Variants in ANK3 observed in about 807,000 individuals in gnomAD.
The protein encoded by ANK3 is ankyrin-3.
A neutral mutation model predicts 370.9 loss-of-function variants in ANK3; 57 were observed. That is an observed-to-expected ratio of 0.15 (90% CI 0.12 to 0.19). The LOEUF (loss-of-function observed/expected upper bound fraction) is 0.19. ANK3 is among the 10% of genes least tolerant of loss of function. The probability of loss-of-function intolerance (pLI) is 1.00; values close to 1 mark genes in which losing one functional copy is unlikely to be tolerated. For synonymous variants in ANK3, 1,929 were observed against 1,946.3 expected, an observed-to-expected ratio of 0.99 and a Z score of 0.23; for missense variants, 4,439 against 5,302.1, an observed-to-expected ratio of 0.84 and a Z score of 5.06.
At chr10:60,526,978 CACAT>C (rs1240969293) in intron 2 of ANK3, among the ~76,000 whole-genome samples, 1 of 152,074 alleles carries the variant, frequency 6.6e-6, no homozygotes. Flanking sequence ...TATACACACA[CACAT>C]ACATACACGT....
At chr10:60,312,715 A>G (rs2046611019) in intron 1 of ANK3, among the ~76,000 whole-genome samples, 1 of 152,240 alleles carries the variant, frequency 6.6e-6, no homozygotes, top group African/African-American at 2.4e-5. Flanking sequence ...GGGTTAAAAA[A>G]AGCTAATTAA....
intron 1 of ANK3, among the ~76,000 whole-genome samples, chr10:60,295,668 CCTAA>C (rs1458632446): frequency 1.3e-5 from 2 of 152,050 alleles, no homozygotes; most frequent in East Asian, 1.9e-4. Context: ...CCTTTATACT[CCTAA>C]CTATTATTGA....
chr10:60,574,114 T>C (rs1026156591), intron 2 of ANK3, among the ~76,000 whole-genome samples: 2 of 152,064 alleles, frequency 1.3e-5, no homozygotes, highest in African/African-American at 2.4e-5. Flanking sequence ...AACAGATCTG[T>C]TGAGGCTGAA....
intron 1 of ANK3, among the ~76,000 whole-genome samples, chr10:60,660,936 C>A (rs1455245066): frequency 2.8e-5 from 4 of 142,536 alleles, no homozygotes; most frequent in Non-Finnish European, 6.2e-5. Context: ...ACACACACAC[C>A]CCACATCTAT....
rs976751456 is a variant in ANK3 at position 60,398,721 on chromosome 10, C to T, written c.97-119082G>A. Among the ~76,000 whole-genome samples the T allele has an allele frequency of 9.2e-5, 14 of 152,110 alleles. 1 individual carries two copies. The highest frequency in any genetic ancestry group is 2.0e-4 in the Admixed American group (3 of 15,280). On this transcript the variant is annotated intron_variant, in intron 2 of 43. Coordinates refer to the ANK3 transcript ENST00000373827. Reference sequence around the variant, plus strand: ...TAATCCAAACATTATTTAAGACACCCAAACTCAACAAATGGTCAGCAAGCA... The same window carrying T: ...TAATCCAAACATTATTTAAGACACCTAAACTCAACAAATGGTCAGCAAGCA...
At chr10:60,397,169 G>A (rs573401646) in intron 2 of ANK3, among the ~76,000 whole-genome samples, 31 of 148,674 alleles carry the variant, frequency 2.1e-4, no homozygotes, top group African/African-American at 5.7e-4. Context: ...CATTTAATTC[G>A]TTGATTTAGG....
rs150289594 is a variant in ANK3 at position 60,124,547 on chromosome 10, A to C, written c.2841+9724T>G. On this transcript the variant is annotated intron_variant, in intron 25 of 43. Transcript: ENST00000280772. ...TATAATGTTGCATCCCTCTATGTAG[A>C]TATTTAGGATAGCATATCCTTTTCA... is the stretch of plus-strand genomic sequence containing the variant. 3.9e-5 allele frequency among the ~76,000 whole-genome samples: 6 copies of C among 152,292 alleles called. No homozygotes were observed. In the East Asian group the frequency reaches 1.2e-3, roughly 29 times the overall value.
chr10:60,236,251 A>ATCCCACCTTTTTCCCCCCGTGTTCATT (rs2097331931), intron 7 of ANK3, among the ~76,000 whole-genome samples: 3 of 150,452 alleles, frequency 2.0e-5, no homozygotes, highest in African/African-American at 7.5e-5. Context: ...TCTCTAACAG[A>ATCCCACCTTTTTCCCCCCGTGTTCATT]TGAGGACATC....
At chr10:60,462,382 G>A (rs1333075035) in intron 2 of ANK3, among the ~76,000 whole-genome samples, 1 of 152,094 alleles carries the variant, frequency 6.6e-6, no homozygotes, top group Non-Finnish European at 1.5e-5. Flanking sequence ...AACCCTGAGT[G>A]TAAAAGCATG....
intron 1 of ANK3, among the ~76,000 whole-genome samples, chr10:60,696,176 C>T (rs547589288): frequency 1.3e-3 from 198 of 148,732 alleles, no homozygotes; most frequent in African/African-American, 4.7e-3. Flanking sequence ...TTCCTCGACA[C>T]ATACACTCTC....
intron 28 of ANK3, among the ~76,000 whole-genome samples, chr10:60,089,394 T>C (rs2087577192): frequency 6.6e-6 from 1 of 152,046 alleles, no homozygotes; most frequent in African/African-American, 2.4e-5. Flanking sequence ...GGCCCTGTTT[T>C]AGTTTGCCTA....
intron 7 of ANK3, among the ~76,000 whole-genome samples, chr10:60,250,526 A>G (rs7091470): frequency 0.63 from 95,711 of 151,796 alleles, 30,497 homozygotes; most frequent in Non-Finnish European, 0.67. Context: ...CACCACGCCC[A>G]GCTAATTTTT....
At chr10:60,299,168 A>C (rs1224661284) in intron 1 of ANK3, among the ~76,000 whole-genome samples, 1 of 152,206 alleles carries the variant, frequency 6.6e-6, no homozygotes, top group African/African-American at 2.4e-5. Flanking sequence ...GAATGTTTAT[A>C]AAATCTCACT....
intron 8 of ANK3, among the ~76,000 whole-genome samples, chr10:60,219,361 A>C (rs1157924797): frequency 6.6e-6 from 1 of 152,068 alleles, no homozygotes; most frequent in Non-Finnish European, 1.5e-5. Flanking sequence ...GGACAACTTT[A>C]TTAGGTCTTT....
intron 1 of ANK3, among the ~76,000 whole-genome samples, chr10:60,327,925 T>G (rs1279727483): frequency 6.6e-6 from 1 of 152,142 alleles, no homozygotes; most frequent in East Asian, 1.9e-4. Flanking sequence ...AAATGATTTA[T>G]TTTTAGAAAG....
chr10:60,648,664 G>C (rs2078744986), intron 1 of ANK3, among the ~76,000 whole-genome samples: 2 of 150,832 alleles, frequency 1.3e-5, no homozygotes, highest in South Asian at 4.2e-4. Flanking sequence ...CAGCTACTCG[G>C]AAGGCTGAGG....
chr10:60,430,816 T>G (rs889756382), intron 2 of ANK3, among the ~76,000 whole-genome samples: 2 of 152,150 alleles, frequency 1.3e-5, no homozygotes, highest in Admixed American at 1.3e-4. Context: ...AAAAAAAAAC[T>G]TGGATTTGAA....
intron 43 of ANK3, among the ~76,000 whole-genome samples, chr10:60,042,200 A>G (rs2131865053): frequency 6.6e-6 from 1 of 152,326 alleles, no homozygotes; most frequent in East Asian, 1.9e-4. Flanking sequence ...CACCAGATAG[A>G]TATGTCAGTC....
chr10:60,370,942 G>A (rs1179238344), intron 1 of ANK3, among the ~76,000 whole-genome samples: 2 of 152,086 alleles, frequency 1.3e-5, no homozygotes, highest in African/African-American at 4.8e-5. Flanking sequence ...ACCTAAATAA[G>A]TGGAAACCAA....
Sources: gnomAD v4.1 joint callset for allele counts (sites outside exome capture counted in the v4.1 genomes callset) on GRCh38, gnomAD v4.1.1 for gene constraint, MANE v1.5 for transcripts, NCBI Gene and HGNC (gene_info 2026-07-23, HGNC 2026-07-21) for gene names.